Variants in ENPP7 observed in about 807,000 individuals in gnomAD.
ENPP7 encodes the protein ectonucleotide pyrophosphatase/phosphodiesterase 7.
In ENPP7, 39 loss-of-function variants were observed where a neutral mutation model predicts 33.6. That is an observed-to-expected ratio of 1.16 (90% confidence interval 0.90 to 1.52). The LOEUF is 1.52. Among genes scored for constraint, ENPP7 ranks in the 40% most tolerant of loss-of-function variants. ENPP7 has a pLI of 0.00. For missense variants in ENPP7, 594 were observed against 641.0 expected (o/e 0.93, Z 0.79); for synonymous variants, 244 against 274.3 (o/e 0.89, Z 1.09).
At chr17:79,732,235 C>T (rs2094288058) in intron 1 of ENPP7, among the ~76,000 whole-genome samples, 1 of 148,778 alleles carries the variant, frequency 6.7e-6, no homozygotes, top group Non-Finnish European at 1.5e-5. Context: ...TGCAATCACA[C>T]CACTGCACTC....
At position 79,733,509 on chromosome 17, in the gene ENPP7, C is replaced by A; in HGVS notation, c.255C>A (p.Gly85=). Residue 85 remains glycine (G), a splice_region_variant and synonymous_variant, in exon 2 of 6, where the codon GGC becomes GGA. Coordinates refer to ENST00000328313, the MANE Select transcript of ENPP7 (RefSeq NM_178543.5). ...TSPCHFTLVT[G]KYIENHGVVH... is the part of the protein sequence containing the mutation. Reference sequence around the variant, plus strand: ...CCTCTGCACCTCTTCCTCCCTCAGGCAAATATATCGAGAACCACGGGGTGG... The same window carrying A: ...CCTCTGCACCTCTTCCTCCCTCAGGAAAATATATCGAGAACCACGGGGTGG... 2 of 1,612,608 alleles carry A rather than the reference C, an allele frequency of 1.2e-6. No individual in the cohort carries two copies. The highest frequency in any genetic ancestry group is 1.1e-5 in the South Asian group (1 of 90,894).
At position 79,731,332 on chromosome 17, in the gene ENPP7, C is replaced by T. The variant is rs200985920; in HGVS notation, c.193C>T (p.Arg65Cys). 34 of 1,613,622 alleles carry T rather than the reference C, an allele frequency of 2.1e-5. No homozygotes were observed. The highest frequency in any genetic ancestry group is 5.5e-5 in the South Asian group (5 of 91,014). The change falls in exon 1 of 6, where the codon CGC (arginine) becomes TGC (cysteine). Residue 65 changes from arginine (R) to cysteine (C), a missense_variant. Arg to Cys is a radical substitution (Grantham distance 180, BLOSUM62 -3). Coordinates refer to ENST00000328313, the MANE Select transcript of ENPP7 (RefSeq NM_178543.5). ...DAMARDGVKA[R>C]YMTPAFVTMT... is the part of the protein sequence containing the mutation. ...CATGGCCCGAGACGGGGTGAAGGCA[C>T]GCTACATGACCCCCGCCTTTGTCAC...
intron 1 of ENPP7, among the ~76,000 whole-genome samples, 198 bp downstream of exon 1, chr17:79,731,590 C>T (rs566769809): frequency 1.1e-3 from 165 of 152,352 alleles, no homozygotes; most frequent in Non-Finnish European, 2.1e-3. Context: ...TCCTTAAACC[C>T]GTGGCCACAG....
rs782033167 is a variant in ENPP7, at chr17:79,735,320, T to A, written c.677T>A (p.Leu226His). ...CAGGTGGACCGGACCGTGGGCTACC[T>A]CCGGGAGAGCATCGCGCGCAACCAC... ...VRQVDRTVGY[L>H]RESIARNHLT... The change falls in exon 3 of 6, where the codon CTC (leucine) becomes CAC (histidine). Residue 226 changes from leucine (L) to histidine (H), a missense_variant. Transcript: ENST00000328313. The surrounding 1 kb of genome is among the most constrained non-coding windows in gnomAD (Gnocchi z 5.5). 1.2e-5 allele frequency: 19 copies of A among 1,613,078 alleles called. 1 individual carries two copies. The Admixed American group carries it at 1.8e-4, about 16-fold the overall frequency.
chr17:79,732,121 C>CATATATACACATATATATAT (rs2094286802), intron 1 of ENPP7, among the ~76,000 whole-genome samples: 2 of 48,778 alleles, frequency 4.1e-5, no homozygotes, highest in Non-Finnish European at 7.8e-5. Context: ...TATATATATA[C>CATATATACACATATATATAT]ATATATATAT....
Position 79,735,387 on chromosome 17 carries a change from C to A in ENPP7, c.744C>A (p.Gly248=). Reference sequence around the variant, plus strand: ...ACCTGATCATCACATCCGACCACGGCATGACGACCGTGGACAAACGGGCTG... The same window carrying A: ...ACCTGATCATCACATCCGACCACGGAATGACGACCGTGGACAAACGGGCTG... ...RLNLIITSDH[G]MTTVDKRAGD... The change falls in exon 3 of 6, where the codon GGC becomes GGA. Residue 248 remains glycine, a synonymous_variant. Coordinates refer to ENST00000328313, the MANE Select transcript of ENPP7 (RefSeq NM_178543.5). The surrounding 1 kb of genome is among the most constrained non-coding windows in gnomAD (Gnocchi z 5.5). 1 of 1,614,074 alleles carries A rather than the reference C, an allele frequency of 6.2e-7. No homozygotes were observed. Among genetic ancestry groups the A allele is most frequent in the Non-Finnish European group, 8.5e-7 (1 of 1,180,030 alleles).
rs1361043952 is a variant in ENPP7, at chr17:79,741,867, C to G, written c.*90C>G. 1 of 985,580 alleles carries G rather than the reference C, an allele frequency of 1.0e-6. No homozygotes were observed. The highest frequency in any genetic ancestry group is 1.1e-4 in the East Asian group (1 of 8,814). The allele number at this position is 985,580 out of a possible 1,614,324, so 61.1% of individuals were successfully genotyped here. A position where few individuals can be genotyped will look rare whatever the true frequency, so the allele number is the denominator to read the frequency against. On this transcript the variant is annotated 3_prime_UTR_variant, in exon 6 of 6. Coordinates refer to ENST00000328313, the MANE Select transcript of ENPP7 (RefSeq NM_178543.5). ...GATGCTCTGCTGGTCGCGGACGGAC[C>G]CTGCCTCCCCAGCTTATCCCAGGCC...
chr17:79,734,747 G>T (rs1044965518), intron 2 of ENPP7, among the ~76,000 whole-genome samples: 1 of 152,130 alleles, frequency 6.6e-6, no homozygotes, highest in African/African-American at 2.4e-5. Context: ...CAAAGTGCTG[G>T]GATTACAGGC....
rs782293086 is a variant in ENPP7 at position 79,735,374 on chromosome 17, C to T, written c.731C>T (p.Thr244Ile). ...HLTDRLNLIITSDHGMTTVDK... is the reference protein window; with the variant it reads ...HLTDRLNLIIISDHGMTTVDK... Reference sequence around the variant, plus strand: ...ACAGACCGCCTCAACCTGATCATCACATCCGACCACGGCATGACGACCGTG... The same window carrying T: ...ACAGACCGCCTCAACCTGATCATCATATCCGACCACGGCATGACGACCGTG... The change falls in exon 3 of 6, where the codon ACA becomes ATA. Residue 244 changes from threonine (T) to isoleucine (I), a missense_variant. By Grantham distance (89) the Thr-to-Ile change is moderately conservative. This residue lies in a region of ENPP7 where 504 missense variants were observed against 512.8 expected (regional missense o/e 0.98). Coordinates refer to ENST00000328313, the MANE Select transcript of ENPP7 (RefSeq NM_178543.5). The surrounding 1 kb of genome is among the most constrained non-coding windows in gnomAD (Gnocchi z 5.5). 5 of 1,614,064 alleles carry T rather than the reference C, an allele frequency of 3.1e-6. No homozygotes were observed. Among genetic ancestry groups the T allele is most frequent in the Admixed American group, 3.3e-5 (2 of 60,030 alleles).
In ENPP7 at chr17:79,735,756, G is replaced by T. The variant is rs1430853208; in HGVS notation, c.1026+87G>T. The T allele has an allele frequency of 1.6e-6, 2 of 1,279,302 alleles. No homozygotes were observed. Among genetic ancestry groups the T allele is most frequent in the Non-Finnish European group, 1.1e-6 (1 of 935,388 alleles). 79.2% of individuals were successfully genotyped at this position (1,279,302 alleles called of 1,614,324 possible). ...TTTTTTTTTTTGAGACCAGGGTCTT[G>T]CTCTGTTGCCCAGGCTGGAGTGCAA... On this transcript the variant is annotated intron_variant, in intron 3 of 5. Coordinates refer to ENST00000328313, the MANE Select transcript of ENPP7 (RefSeq NM_178543.5). The surrounding 1 kb of genome is among the most constrained non-coding windows in gnomAD (Gnocchi z 5.5).
chr17:79,738,057 C>T lies in ENPP7; in HGVS notation c.*11C>T. On this transcript the variant is annotated 3_prime_UTR_variant, in exon 5 of 6. Transcript: ENST00000328313. The surrounding 1 kb of genome is among the most constrained non-coding windows in gnomAD (Gnocchi z 6.2). ...TCTGAGGTCGCATAACGCCCCATGGCTCAAGGTCAGAGACCCAGAAGGCAG... is the reference window on the plus strand; with the variant it reads ...TCTGAGGTCGCATAACGCCCCATGGTTCAAGGTCAGAGACCCAGAAGGCAG... The T allele has an allele frequency of 6.2e-7, 1 of 1,608,380 alleles. No individual in the cohort carries two copies. Among genetic ancestry groups the T allele is most frequent in the Non-Finnish European group, 8.5e-7 (1 of 1,179,678 alleles).
chr17:79,737,928 C>T lies in ENPP7; in HGVS notation c.1259C>T (p.Pro420Leu), dbSNP rs782663065. Residue 420 changes from proline (P) to leucine (L), a missense_variant, in exon 5 of 6, where the codon CCG (proline) becomes CTG (leucine). Coordinates refer to ENST00000328313, the MANE Select transcript of ENPP7 (RefSeq NM_178543.5). This position sits in a 1 kb window ranked among gnomAD's most constrained non-coding sequence, Gnocchi z 5.5. Reference protein sequence around the residue: ...LPMLHTESALPPDGRPTLLPK... With the variant: ...LPMLHTESALLPDGRPTLLPK... Reference sequence around the variant, plus strand: ...TGGCTTTCCTTAGAATCTGCTCTTCCGCCTGATGGAAGGCCTACTCTCCTG... The same window carrying T: ...TGGCTTTCCTTAGAATCTGCTCTTCTGCCTGATGGAAGGCCTACTCTCCTG... 156 of 1,613,724 alleles carry T rather than the reference C, an allele frequency of 9.7e-5. No individual in the cohort carries two copies. Among genetic ancestry groups the T allele is most frequent in the Non-Finnish European group, 1.3e-4 (151 of 1,180,010 alleles).
At chr17:79,741,773 G>A (rs1315364379) in intron 5 of ENPP7, 21 bp from the exon 6 acceptor site, 9 of 985,542 alleles carry the variant, frequency 9.1e-6, no homozygotes, top group Non-Finnish European at 9.6e-6. Context: ...CCAGACCAAC[G>A]CGTGCTGCTT....
At chr17:79,740,237 T>C (rs1308596556) in intron 5 of ENPP7, among the ~76,000 whole-genome samples, 6 of 151,812 alleles carry the variant, frequency 4.0e-5, no homozygotes, top group African/African-American at 9.7e-5. Context: ...GGGTTTAGGG[T>C]TTAGAGAAGT....
In ENPP7 at chr17:79,735,797, T is replaced by A; in HGVS notation, c.1026+128T>A. On this transcript the variant is annotated intron_variant, in intron 3 of 5. Coordinates refer to ENST00000328313, the MANE Select transcript of ENPP7 (RefSeq NM_178543.5). This position sits in a 1 kb window ranked among gnomAD's most constrained non-coding sequence, Gnocchi z 5.5. ...TGGAGTGCAATGGCAGGATCTCAGC[T>A]CACTGCAGCCTTAAACTCCCAGACT... is the stretch of plus-strand genomic sequence containing the variant. 1 of 856,874 alleles carries A rather than the reference T, an allele frequency of 1.2e-6. No homozygotes were observed. The highest frequency in any genetic ancestry group is 1.8e-6 in the Non-Finnish European group (1 of 565,630). 53.1% of individuals were successfully genotyped at this position (856,874 alleles called of 1,614,324 possible). A position where few individuals can be genotyped will look rare whatever the true frequency, so the allele number is the denominator to read the frequency against.
At chr17:79,733,413 T>C in intron 1 of ENPP7, 95 bp from the exon 2 acceptor site, 2 of 1,291,470 alleles carry the variant, frequency 1.5e-6, no homozygotes, top group South Asian at 1.3e-5. Context: ...CAGGGAAACC[T>C]GGGCTGTTTT....
intron 2 of ENPP7, among the ~76,000 whole-genome samples, chr17:79,733,892 C>T (rs1047709428): frequency 5.2e-4 from 79 of 152,174 alleles, no homozygotes; most frequent in African/African-American, 1.7e-3. Context: ...CAGCCCTGCC[C>T]GGTCCTCTCT....
chr17:79,732,666 T>G (rs2094288675), intron 1 of ENPP7, among the ~76,000 whole-genome samples: 1 of 152,228 alleles, frequency 6.6e-6, no homozygotes, highest in South Asian at 2.1e-4. Context: ...CCTGTGTGTG[T>G]GTGTCTGTAT....
rs1555823796 is a variant in ENPP7, at chr17:79,737,230, C to T, written c.1216C>T (p.Leu406=). The stretch of plus-strand genomic sequence containing the variant: ...CGTGCCCGAGGCCAACGATGGGCAC[C>T]TAGCTACTCTGCTGCCCATGCTGCA... ...GIVPEANDGH[L]ATLLPMLHTE... Residue 406 remains leucine (L), a synonymous_variant, in exon 4 of 6, where the codon CTA becomes TTA. Coordinates refer to ENST00000328313, the MANE Select transcript of ENPP7 (RefSeq NM_178543.5). The surrounding 1 kb of genome is among the most constrained non-coding windows in gnomAD (Gnocchi z 5.5). 1.2e-6 allele frequency: 2 copies of T among 1,609,414 alleles called. No individual in the cohort carries two copies.
Sources: gnomAD v4.1 joint callset for allele counts (sites outside exome capture counted in the v4.1 genomes callset) on GRCh38, gnomAD v4.1.1 for gene constraint, gnomAD v4.1.1 regional missense constraint, Gnocchi (gnomAD v3.1) non-coding constraint, MANE v1.5 for transcripts, NCBI Gene and HGNC (gene_info 2026-07-23, HGNC 2026-07-21) for gene names.